The following GDF1 variants were observed in gnomAD, a reference collection of about 807,000 sequenced individuals.
GDF1 encodes growth differentiation factor 1.
GDF1 carries 8 observed loss-of-function variants against 7.4 expected under a neutral mutation model. The observed-to-expected ratio is 1.09, with a 90% CI of 0.64 to 1.96. The LOEUF (loss-of-function observed/expected upper bound fraction) is 1.96. GDF1 is among the 30% of genes most tolerant of loss of function. GDF1 has a pLI of 0.00. For missense variants in GDF1, 574 were observed against 551.5 expected, an observed-to-expected ratio of 1.04 and a Z score of -0.41; for synonymous variants, 311 against 276.7, an observed-to-expected ratio of 1.12 and a Z score of -1.23.
intron 2 of GDF1, among the ~76,000 whole-genome samples, chr19:18,885,516 T>TGG (rs1555705566): frequency 3.6e-5 from 1 of 27,630 alleles, no homozygotes; most frequent in Non-Finnish European, 7.7e-5. Flanking sequence ...TTCTCGTTTT[T>TGG]TTTTTTTTTT....
chr19:18,875,229 GTC>G lies in GDF1; in HGVS notation c.-313+3699_-313+3700del, dbSNP rs2056039598. 4.1e-5 allele frequency among the ~76,000 whole-genome samples: 6 copies of G among 145,212 alleles called. No individual in the cohort carries two copies. In the South Asian group the frequency reaches 1.3e-3, roughly 32 times the overall value. On this transcript the variant is annotated intron_variant, in intron 6 of 7. Coordinates refer to ENST00000247005, the MANE Select transcript of GDF1 (RefSeq NM_001492.6). Reference sequence around the variant, plus strand: ...CCAGCGTGGGCGACAGAGTGGGACCGTCTCTAAAAAAAAAAAAAAAGAAAGAA... The same window carrying G: ...CCAGCGTGGGCGACAGAGTGGGACCGTCTAAAAAAAAAAAAAAAGAAAGAA...
In GDF1 at chr19:18,884,105, A is replaced by G. The variant is rs749102523; in HGVS notation, c.-751T>C. 19 of 1,612,528 alleles carry G rather than the reference A, an allele frequency of 1.2e-5. No homozygotes were observed. The highest frequency in any genetic ancestry group is 3.3e-4 in the Middle Eastern group (2 of 6,054). On this transcript the variant is annotated 5_prime_UTR_variant, in exon 3 of 8. Coordinates refer to ENST00000247005, the MANE Select transcript of GDF1 (RefSeq NM_001492.6). ...TCCTTACCGGAAGGCGTAGGAGGAG[A>G]CGATGAGGATGAGAGTGACCACGTG...
intron 6 of GDF1, among the ~76,000 whole-genome samples, chr19:18,872,176 C>T (rs147948136): frequency 4.3e-4 from 65 of 152,292 alleles, no homozygotes; most frequent in African/African-American, 1.5e-3. Context: ...TGGGTGCCCC[C>T]GCCCTGGGGC....
intron 6 of GDF1, among the ~76,000 whole-genome samples, chr19:18,872,449 G>A (rs191067375): frequency 1.2e-4 from 19 of 152,228 alleles, no homozygotes; most frequent in African/African-American, 4.3e-4. Context: ...CCAGGTTCAC[G>A]GGATTCTCCT....
At chr19:18,893,117 G>C (rs1332822095) in intron 2 of GDF1, among the ~76,000 whole-genome samples, 1 of 152,082 alleles carries the variant, frequency 6.6e-6, no homozygotes, top group Non-Finnish European at 1.5e-5. Context: ...GTTTCACCAT[G>C]TTAGCCAGGA....
At chr19:18,886,184 T>C (rs1344000299) in intron 2 of GDF1, among the ~76,000 whole-genome samples, 2 of 150,166 alleles carry the variant, frequency 1.3e-5, no homozygotes, top group African/African-American at 5.0e-5. Flanking sequence ...GGCAGGAGAG[T>C]TGCTTGAGTC....
chr19:18,869,285 C>T lies in GDF1; in HGVS notation c.431G>A (p.Arg144Gln), dbSNP rs771276786. 4.7e-6 allele frequency: 7 copies of T among 1,504,634 alleles called. No homozygotes were observed. The highest frequency in any genetic ancestry group is 2.9e-5 in the African/African-American group (2 of 69,080). The allele number at this position is 1,504,634 out of a possible 1,614,324, so 93.2% of individuals were successfully genotyped here. Reference sequence around the variant, plus strand: ...CGCGAAACGCAGCTCCAGGCGGGCCCGGCTCGGGCGCTCAGCGGGTTCCAC... The same window carrying T: ...CGCGAAACGCAGCTCCAGGCGGGCCTGGCTCGGGCGCTCAGCGGGTTCCAC... Reference protein sequence around the residue: ...SAVEPAERPSRARLELRFAAA... With the variant: ...SAVEPAERPSQARLELRFAAA... Residue 144 changes from arginine (R) to glutamine (Q), a missense_variant, in exon 8 of 8, where the codon CGG (arginine) becomes CAG (glutamine). Transcript: ENST00000247005.
intron 3 of GDF1, chr19:18,883,070 T>C (rs2056255147): frequency 6.6e-6 from 1 of 152,194 alleles, no homozygotes; most frequent in South Asian, 2.1e-4. Flanking sequence ...GCAATCCTCC[T>C]GACTCAGCCT....
intron 7 of GDF1, 42 bp downstream of exon 7, chr19:18,869,941 C>T: frequency 1.3e-6 from 2 of 1,541,460 alleles, no homozygotes; most frequent in Non-Finnish European, 1.8e-6. Context: ...CCTGCGAGGT[C>T]TGGCCTCCAG....
chr19:18,883,980 C>T, intron 3 of GDF1, 107 bp downstream of exon 3: 1 of 1,245,428 alleles, frequency 8.0e-7, no homozygotes, highest in Admixed American at 2.3e-5. Context: ...AGCACTCCGA[C>T]CTGATGTGAT....
intron 6 of GDF1, among the ~76,000 whole-genome samples, chr19:18,872,763 G>A (rs979100245): frequency 3.3e-5 from 5 of 151,432 alleles, no homozygotes; most frequent in African/African-American, 7.3e-5. Context: ...TGATCCACCC[G>A]CCTCAGCCTC....
Position 18,879,361 on chromosome 19 carries a change from C to T in GDF1, c.-543G>A, listed in dbSNP as rs765999204. 4.4e-6 allele frequency: 7 copies of T among 1,584,870 alleles called. No homozygotes were observed. The highest frequency in any genetic ancestry group is 4.0e-5 in the African/African-American group (3 of 74,294). Reference sequence around the variant, plus strand: ...GACTGGTGGCATACAGGACCTTGAGCGGGAACCAGTAGAGGCGGAACCAGA... The same window carrying T: ...GACTGGTGGCATACAGGACCTTGAGTGGGAACCAGTAGAGGCGGAACCAGA... On this transcript the variant is annotated 5_prime_UTR_variant, in exon 5 of 8. Transcript: ENST00000247005.
At chr19:18,884,007 T>C in intron 3 of GDF1, 80 bp downstream of exon 3, 2 of 1,464,664 alleles carry the variant, frequency 1.4e-6, no homozygotes, top group Non-Finnish European at 1.8e-6. Context: ...CACGGCCTCC[T>C]CTGTGCCCCG....
Position 18,880,380 on chromosome 19 carries a change from G to A in GDF1, c.-677C>T. The A allele has an allele frequency of 6.3e-7, 1 of 1,579,892 alleles. No homozygotes were observed. The highest frequency in any genetic ancestry group is 8.6e-7 in the Non-Finnish European group (1 of 1,162,948). ...TAAATGTTGAGCTTGGTGAACTCAAGCTGCACGTCACTGATATCGTGCAGG... is the reference window on the plus strand; with the variant it reads ...TAAATGTTGAGCTTGGTGAACTCAAACTGCACGTCACTGATATCGTGCAGG... On this transcript the variant is annotated 5_prime_UTR_variant, in exon 4 of 8. Transcript: ENST00000247005.
chr19:18,893,188 C>T (rs2056537650), intron 2 of GDF1, among the ~76,000 whole-genome samples: 1 of 152,052 alleles, frequency 6.6e-6, no homozygotes, highest in Non-Finnish European at 1.5e-5. Flanking sequence ...GCTGGGATTA[C>T]AGGCGTGAGC....
At chr19:18,888,519 T>TAAAAAAAAAA (rs781426705) in intron 2 of GDF1, among the ~76,000 whole-genome samples, 3 of 59,030 alleles carry the variant, frequency 5.1e-5, no homozygotes, top group African/African-American at 2.3e-4. Flanking sequence ...CCCTGTCTCT[T>TAAAAAAAAAA]AAAAAAAAAA....
At chr19:18,877,178 T>C (rs1253313467) in intron 6 of GDF1, among the ~76,000 whole-genome samples, 2 of 152,226 alleles carry the variant, frequency 1.3e-5, no homozygotes, top group Non-Finnish European at 2.9e-5. Flanking sequence ...GGCACTTCTG[T>C]ACAGGGTGCA....
At chr19:18,876,806 G>A (rs1030686576) in intron 6 of GDF1, among the ~76,000 whole-genome samples, 56 of 152,188 alleles carry the variant, frequency 3.7e-4, no homozygotes, top group Non-Finnish European at 1.5e-4. Context: ...TGGCACATGG[G>A]TTGCAGCTAA....
chr19:18,869,591 G>C (rs1411725453), intron 7 of GDF1, among the ~76,000 whole-genome samples: 1 of 151,066 alleles, frequency 6.6e-6, no homozygotes, highest in Non-Finnish European at 1.5e-5. Flanking sequence ...TGCGGCGGGG[G>C]GGGTGGGCTG....
Sources: allele counts gnomAD v4.1 joint callset (sites outside exome capture counted in the v4.1 genomes callset), GRCh38; gene constraint gnomAD v4.1.1; transcripts MANE v1.5; gene names NCBI Gene and HGNC (gene_info 2026-07-23, HGNC 2026-07-21).